EPN2: variants seen among roughly 807,000 people sequenced by gnomAD.
EPN2 encodes the protein epsin 2.
A neutral mutation model predicts 61.7 loss-of-function variants in EPN2; 34 were observed. The ratio of observed to expected loss-of-function variants is 0.55; its 90% CI spans 0.42 to 0.73. The LOEUF is 0.73. Among genes scored for constraint, EPN2 ranks in the 30% least tolerant of loss-of-function variants. The pLI, the probability that EPN2 is intolerant of heterozygous loss-of-function variation, is 0.00. For missense variants in EPN2, 714 were observed against 839.2 expected (o/e 0.85, Z 1.84); for synonymous variants, 349 against 353.6 (o/e 0.99, Z 0.15).
At chr17:19,313,593 T>TA (rs1262172696) in intron 7 of EPN2, 5 of 333,404 alleles carry the variant, frequency 1.5e-5, no homozygotes, top group Non-Finnish European at 2.7e-5. Flanking sequence ...GCCTCAGCGT[T>TA]ACACCCAGCG....
Position 19,333,940 on chromosome 17 carries a change from CCTT to C in EPN2, c.1628-13_1628-11del. 1 of 1,517,254 alleles carries C rather than the reference CCTT, an allele frequency of 6.6e-7. No individual in the cohort carries two copies. Among genetic ancestry groups the C allele is most frequent in the South Asian group, 1.3e-5 (1 of 74,174 alleles). The allele number at this position is 1,517,254 out of a possible 1,614,324, so 94.0% of individuals were successfully genotyped here. On this transcript the variant is annotated splice_polypyrimidine_tract_variant and intron_variant, in intron 10 of 10. Transcript: ENST00000314728. Reference sequence around the variant, plus strand: ...CCCTGACGGCTCAGCCTCTGCCCCTCCTTCTGTCTCCCCAGGTGCTCCCGCCAC... The same window carrying C: ...CCCTGACGGCTCAGCCTCTGCCCCTCCTGTCTCCCCAGGTGCTCCCGCCAC...
intron 1 of EPN2, among the ~76,000 whole-genome samples, chr17:19,271,353 A>G (rs1319323550): frequency 2.6e-5 from 4 of 152,190 alleles, no homozygotes; most frequent in Admixed American, 6.5e-5. Context: ...GGTGGGGGAA[A>G]TGGCAGGTGC....
chr17:19,319,150 A>C (rs1449632461), intron 7 of EPN2, among the ~76,000 whole-genome samples: 1 of 151,648 alleles, frequency 6.6e-6, no homozygotes, highest in Non-Finnish European at 1.5e-5. Context: ...GTGAGCCAAG[A>C]CCATGCCACT....
intron 4 of EPN2, among the ~76,000 whole-genome samples, chr17:19,301,632 G>A (rs1905524697): frequency 6.6e-6 from 1 of 152,130 alleles, no homozygotes; most frequent in African/African-American, 2.4e-5. Context: ...CCACTCTTTG[G>A]TCATGTGCCC....
intron 1 of EPN2, among the ~76,000 whole-genome samples, chr17:19,263,469 C>T (rs1036534352): frequency 2.3e-4 from 35 of 152,080 alleles, no homozygotes; most frequent in African/African-American, 8.0e-4. Context: ...TTCCAAGGAG[C>T]GTCTTAGATG....
intron 4 of EPN2, among the ~76,000 whole-genome samples, chr17:19,292,549 G>A (rs2045475727): frequency 6.6e-6 from 1 of 152,266 alleles, no homozygotes; most frequent in Non-Finnish European, 1.5e-5. Flanking sequence ...TCTTCAGGTG[G>A]AAAATTGAGT....
intron 1 of EPN2, among the ~76,000 whole-genome samples, chr17:19,260,786 C>T (rs2045132985): frequency 6.6e-6 from 1 of 151,924 alleles, no homozygotes; most frequent in Non-Finnish European, 1.5e-5. Context: ...GTTTGAATAC[C>T]CTTCTAGTTT....
At position 19,273,811 on chromosome 17, in the gene EPN2, C is replaced by T. The variant is rs555138226; in HGVS notation, c.-293-8144C>T. Among the ~76,000 whole-genome samples, 33 of 152,250 alleles carry T rather than the reference C, an allele frequency of 2.2e-4. No individual in the cohort carries two copies. In the South Asian group the frequency reaches 5.2e-3, roughly 24 times the overall value. ...GGATTTTTTTCTTTTCATTTCTCTACGGGATGAGCAACAGTTATTAGGCTT... is the reference window on the plus strand; with the variant it reads ...GGATTTTTTTCTTTTCATTTCTCTATGGGATGAGCAACAGTTATTAGGCTT... On this transcript the variant is annotated intron_variant, in intron 1 of 10. Coordinates refer to ENST00000314728, the MANE Select transcript of EPN2 (RefSeq NM_014964.5).
At chr17:19,310,489 A>G (rs1319314712) in intron 5 of EPN2, among the ~76,000 whole-genome samples, 6 of 151,522 alleles carry the variant, frequency 4.0e-5, no homozygotes, top group Admixed American at 3.3e-4. Context: ...TGATGATGGA[A>G]GTATGTATAG....
At chr17:19,250,318 A>G (rs2045001281) in intron 1 of EPN2, among the ~76,000 whole-genome samples, 1 of 151,958 alleles carries the variant, frequency 6.6e-6, no homozygotes, top group African/African-American at 2.4e-5. Context: ...CTGGTGTCGA[A>G]CCCCTAACCT....
Position 19,334,333 on chromosome 17 carries a change from A to G in EPN2, c.*79A>G. 1.6e-6 allele frequency: 2 copies of G among 1,254,666 alleles called. No homozygotes were observed. 77.7% of individuals were successfully genotyped at this position (1,254,666 alleles called of 1,614,324 possible). On this transcript the variant is annotated 3_prime_UTR_variant, in exon 11 of 11. Transcript: ENST00000314728. This position sits in a 1 kb window ranked among gnomAD's most constrained non-coding sequence, Gnocchi z 4.9. ...GACTCTCGTCTGTGGGACGGGATCCAAGAGTTTGGGGATTAGGGGTATTAG... is the reference window on the plus strand; with the variant it reads ...GACTCTCGTCTGTGGGACGGGATCCGAGAGTTTGGGGATTAGGGGTATTAG...
chr17:19,255,430 C>T (rs2045063727), intron 1 of EPN2, among the ~76,000 whole-genome samples: 1 of 133,018 alleles, frequency 7.5e-6, no homozygotes, highest in South Asian at 2.4e-4. Context: ...TGAGTTTCTT[C>T]ATTTACTTTA....
intron 4 of EPN2, among the ~76,000 whole-genome samples, chr17:19,298,257 C>T (rs775288786): frequency 1.3e-5 from 2 of 152,090 alleles, no homozygotes; most frequent in Non-Finnish European, 2.9e-5. Context: ...TGCAATGGCA[C>T]GATTTCTGCT....
At chr17:19,307,786 A>C in intron 4 of EPN2, 1 of 421,870 alleles carries the variant, frequency 2.4e-6, no homozygotes, top group Non-Finnish European at 3.2e-6. Context: ...GCCCAGAAGC[A>C]GCCTCTTTCT....
intron 4 of EPN2, among the ~76,000 whole-genome samples, chr17:19,293,182 C>A (rs2045481498): frequency 6.6e-6 from 1 of 151,872 alleles, no homozygotes; most frequent in South Asian, 2.1e-4. Flanking sequence ...AGTTCGAGGC[C>A]AGCTTGGCCA....
At chr17:19,294,355 G>C (rs1283132145) in intron 4 of EPN2, among the ~76,000 whole-genome samples, 1 of 152,184 alleles carries the variant, frequency 6.6e-6, no homozygotes. Flanking sequence ...AGGAAGTCCA[G>C]GCTGCAGTGA....
intron 1 of EPN2, among the ~76,000 whole-genome samples, chr17:19,238,929 A>G (rs1421009033): frequency 6.6e-6 from 1 of 152,180 alleles, no homozygotes; most frequent in Non-Finnish European, 1.5e-5. Flanking sequence ...TTTGGCAGAA[A>G]ACGTGCCTCT....
At chr17:19,259,397 C>T (rs1198141997) in intron 1 of EPN2, among the ~76,000 whole-genome samples, 1 of 148,756 alleles carries the variant, frequency 6.7e-6, no homozygotes, top group Non-Finnish European at 1.5e-5. Context: ...ACTGCAAGCT[C>T]CACCTCCCGG....
chr17:19,275,227 C>A (rs546644301), intron 1 of EPN2, among the ~76,000 whole-genome samples: 1 of 152,304 alleles, frequency 6.6e-6, no homozygotes, highest in East Asian at 1.9e-4. Flanking sequence ...CAGGGGAGCG[C>A]CCATGCTCTG....
Sources: allele counts gnomAD v4.1 joint callset (sites outside exome capture counted in the v4.1 genomes callset), GRCh38; gene constraint gnomAD v4.1.1; non-coding constraint Gnocchi (gnomAD v3.1); transcripts MANE v1.5; gene names NCBI Gene and HGNC (gene_info 2026-07-23, HGNC 2026-07-21).